Variants in NLRP7 observed in about 807,000 individuals in gnomAD.
The protein encoded by NLRP7 is NACHT, LRR and PYD domains-containing protein 7.
A neutral mutation model predicts 85.5 loss-of-function variants in NLRP7; 72 were observed. The observed-to-expected ratio is 0.84, with a 90% CI of 0.70 to 1.02. NLRP7 has a LOEUF of 1.02. Ranked by LOEUF, NLRP7 falls within the 50% of genes least tolerant of loss-of-function variation. NLRP7 has a pLI of 0.00. For missense variants in NLRP7, 1,243 were observed against 1,219.5 expected, an observed-to-expected ratio of 1.02 and a Z score of -0.29; for synonymous variants, 550 against 505.2, an observed-to-expected ratio of 1.09 and a Z score of -1.19.
intron 4 of NLRP7, 51 bp downstream of exon 4, chr19:54,938,834 AAGG>A: frequency 1.3e-6 from 2 of 1,597,458 alleles, no homozygotes; most frequent in South Asian, 2.2e-5. Flanking sequence ...CGACAGGGCA[AAGG>A]AGACGCTGGC....
chr19:54,959,141 C>CTTTTTTTTTTTT (rs74177888), intron 1 of NLRP7, among the ~76,000 whole-genome samples: 4 of 134,678 alleles, frequency 3.0e-5, no homozygotes, highest in Non-Finnish European at 4.8e-5. Context: ...TTTTCTTTTT[C>CTTTTTTTTTTTT]TTTTTTTTTT....
rs2068809424 is a variant in NLRP7, at chr19:54,934,457, A to G, written c.2471+32T>C. 1.9e-6 allele frequency: 3 copies of G among 1,612,164 alleles called. No individual in the cohort carries two copies. Among genetic ancestry groups the G allele is most frequent in the Non-Finnish European group, 2.5e-6 (3 of 1,178,262 alleles). On this transcript the variant is annotated intron_variant, in intron 7 of 9. Transcript: ENST00000340844. The surrounding 1 kb of genome is among the most constrained non-coding windows in gnomAD (Gnocchi z 6.7). ...TTCTCTTCTATAGCCCCAGAACTAAACCAGAGCTGCCCATGGGAAGAGGAG... is the reference window on the plus strand; with the variant it reads ...TTCTCTTCTATAGCCCCAGAACTAAGCCAGAGCTGCCCATGGGAAGAGGAG...
At chr19:54,939,757 C>T (rs766022603) in exon 4 of NLRP7, 11 of 1,613,580 alleles carry the variant, frequency 6.8e-6, no homozygotes, top group South Asian at 3.3e-5. Context: ...GGAACAGGGC[C>T]GCGTTGCTCC....
intron 1 of NLRP7, among the ~76,000 whole-genome samples, chr19:54,962,164 A>T (rs75055487): frequency 1.5e-5 from 1 of 68,816 alleles, no homozygotes; most frequent in Non-Finnish European, 2.7e-5. Context: ...ACTCCATCTC[A>T]AAAAAAAAAA....
chr19:54,956,943 C>T (rs1187666045), intron 1 of NLRP7, among the ~76,000 whole-genome samples: 3 of 151,744 alleles, frequency 2.0e-5, no homozygotes, highest in Non-Finnish European at 4.4e-5. Flanking sequence ...TTTTATCATA[C>T]CTTAATTTGC....
At position 54,939,765 on chromosome 19, in the gene NLRP7, T is replaced by C. The variant is rs1475800301; in HGVS notation, c.1054A>G (p.Ser352Gly). Residue 352 changes from serine (S) to glycine (G), a missense_variant, in exon 4 of 10, where the codon AGC (serine) becomes GGC (glycine). Around this residue, in one of 3 missense-constraint regions of NLRP7, gnomAD observed 591 missense variants for 563.3 expected, o/e 1.05. Coordinates refer to ENST00000340844, the Ensembl canonical transcript of NLRP7. Reference sequence around the variant, plus strand: ...CCCAGCTGGAACAGGGCCGCGTTGCTCCTCATTAGCTCAAAGGCACGCATG... The same window carrying C: ...CCCAGCTGGAACAGGGCCGCGTTGCCCCTCATTAGCTCAAAGGCACGCATG... 1.2e-6 allele frequency: 2 copies of C among 1,613,534 alleles called. No homozygotes were observed. The highest frequency in any genetic ancestry group is 1.7e-6 in the Non-Finnish European group (2 of 1,179,968).
At chr19:54,931,832 G>T (rs1441044361) in intron 8 of NLRP7, among the ~76,000 whole-genome samples, 1 of 127,304 alleles carries the variant, frequency 7.9e-6, no homozygotes, top group Non-Finnish European at 1.6e-5. Context: ...CCTGGTGACA[G>T]AGAGAGACTG....
Position 54,934,362 on chromosome 19 carries a change from G to T in NLRP7, c.2471+127C>A. On this transcript the variant is annotated intron_variant, in intron 7 of 9. Coordinates refer to ENST00000340844, the Ensembl canonical transcript of NLRP7. This position sits in a 1 kb window ranked among gnomAD's most constrained non-coding sequence, Gnocchi z 6.7. Reference sequence around the variant, plus strand: ...GATTACAGGCAGGAGCCACCGTGCCGGGCCTGAAGCAGGTGTTTATTTCAG... The same window carrying T: ...GATTACAGGCAGGAGCCACCGTGCCTGGCCTGAAGCAGGTGTTTATTTCAG... 1.1e-6 allele frequency: 1 copy of T among 933,574 alleles called. No homozygotes were observed. The allele number at this position is 933,574 out of a possible 1,614,324, so 57.8% of individuals were successfully genotyped here. A position where few individuals can be genotyped will look rare whatever the true frequency, so the allele number is the denominator to read the frequency against.
At chr19:54,941,882 G>A in intron 1 of NLRP7, 132 bp from the exon 2 acceptor site, 1 of 752,856 alleles carries the variant, frequency 1.3e-6, no homozygotes, top group Non-Finnish European at 2.0e-6. Flanking sequence ...TGAATTAAGA[G>A]ACTGAAAATC....
upstream of NLRP7, among the ~76,000 whole-genome samples, chr19:54,948,541 C>T (rs984770881): frequency 6.6e-6 from 1 of 151,972 alleles, no homozygotes; most frequent in East Asian, 1.9e-4. Flanking sequence ...CAGAGTGAGA[C>T]CCAGTCTCAA....
At chr19:54,939,185 T>C in exon 4 of NLRP7, 3 of 1,614,238 alleles carry the variant, frequency 1.9e-6, no homozygotes, top group Non-Finnish European at 2.5e-6. Flanking sequence ...CTGTTTGATG[T>C]CCGGTGACAT....
intron 8 of NLRP7, 116 bp from the exon 9 acceptor site, chr19:54,930,782 CTT>C: frequency 1.2e-6 from 1 of 848,496 alleles, no homozygotes; most frequent in East Asian, 2.5e-5. Context: ...GTGCTGCACT[CTT>C]GGCTCACTGC....
At chr19:54,963,545 T>C (rs1192728951) in intron 1 of NLRP7, among the ~76,000 whole-genome samples, 2 of 151,056 alleles carry the variant, frequency 1.3e-5, no homozygotes, top group Non-Finnish European at 3.0e-5. Context: ...AAAAAAAGGC[T>C]AGGCGCAGTG....
chr19:54,963,065 C>T (rs1031625364), intron 1 of NLRP7, among the ~76,000 whole-genome samples: 7 of 152,034 alleles, frequency 4.6e-5, no homozygotes, highest in African/African-American at 1.7e-4. Context: ...AGGATCATGG[C>T]AATCACTACT....
intron 8 of NLRP7, among the ~76,000 whole-genome samples, chr19:54,931,856 A>AC (rs1569539471): frequency 7.3e-6 from 1 of 137,186 alleles, no homozygotes; most frequent in Non-Finnish European, 1.5e-5. Context: ...AAAAAAAAAA[A>AC]AAAACATCCA....
upstream of NLRP7, among the ~76,000 whole-genome samples, chr19:54,949,396 C>G (rs1053637054): frequency 1.3e-5 from 2 of 151,530 alleles, no homozygotes; most frequent in Admixed American, 6.6e-5. Context: ...GGCAATATGG[C>G]GAGACTCCCT....
chr19:54,925,816 T>C (rs1602103869), intron 9 of NLRP7, among the ~76,000 whole-genome samples: 1 of 151,842 alleles, frequency 6.6e-6, no homozygotes, highest in African/African-American at 2.4e-5. Context: ...CTGGCCAACA[T>C]AGTGAAACCC....
chr19:54,929,541 C>T (rs2068584770), intron 9 of NLRP7, among the ~76,000 whole-genome samples: 1 of 152,056 alleles, frequency 6.6e-6, no homozygotes, highest in South Asian at 2.1e-4. Flanking sequence ...ATGAAGAGCT[C>T]GCCATTCCAT....
At chr19:54,964,355 T>C (rs992238860) in intron 1 of NLRP7, among the ~76,000 whole-genome samples, 13 of 149,834 alleles carry the variant, frequency 8.7e-5, no homozygotes, top group Non-Finnish European at 1.8e-4. Context: ...TAGCTGGGAC[T>C]ACAGGTGCCC....
Sources: allele counts gnomAD v4.1 joint callset (sites outside exome capture counted in the v4.1 genomes callset), GRCh38; gene constraint gnomAD v4.1.1; regional missense constraint gnomAD v4.1.1; non-coding constraint Gnocchi (gnomAD v3.1); transcripts MANE v1.5; gene names NCBI Gene and HGNC (gene_info 2026-07-23, HGNC 2026-07-21).